The following TRIM64C variants were observed in gnomAD, a reference collection of about 807,000 sequenced individuals.
The protein encoded by TRIM64C is tripartite motif containing 64C.
In TRIM64C, 25 loss-of-function variants were observed where a neutral mutation model predicts 36.1. That is an observed-to-expected ratio of 0.69 (90% CI 0.51 to 0.97). The LOEUF (loss-of-function observed/expected upper bound fraction) is 0.97, where lower values mean the gene tolerates loss of function less well. Ranked by LOEUF, TRIM64C falls within the 50% of genes least tolerant of loss-of-function variation. The pLI is 0.00. For missense variants in TRIM64C, 489 were observed against 536.8 expected (o/e 0.91, Z 0.88); for synonymous variants, 212 against 185.7 (o/e 1.14, Z -1.15).
At chr11:49,057,532 T>C (rs1270384343) in intron 2 of TRIM64C, among the ~76,000 whole-genome samples, 154 bp from the exon 3 acceptor site, 2 of 151,560 alleles carry the variant, frequency 1.3e-5, no homozygotes, top group Non-Finnish European at 2.9e-5. Flanking sequence ...CTGTCCATCT[T>C]TTTCAATGTT....
intron 1 of TRIM64C, 37 bp downstream of exon 1, chr11:49,058,664 A>G (rs919976436): frequency 5.2e-6 from 8 of 1,538,046 alleles, no homozygotes; most frequent in African/African-American, 2.8e-5. Context: ...TTCTTATTTG[A>G]TATTCTGTAT....
At chr11:49,054,980 T>C (rs1854795708) in intron 5 of TRIM64C, among the ~76,000 whole-genome samples, 2 of 152,212 alleles carry the variant, frequency 1.3e-5, no homozygotes, top group Non-Finnish European at 2.9e-5. Context: ...AATCTAAGCC[T>C]TTAAGATTGA....
At chr11:49,054,340 A>G (rs1478913923) in intron 5 of TRIM64C, 133 bp from the exon 6 acceptor site, 5 of 952,814 alleles carry the variant, frequency 5.2e-6, no homozygotes, top group Non-Finnish European at 7.7e-6. Context: ...AGCCCCATGC[A>G]TCCATGAAGA....
chr11:49,054,189 G>A lies in TRIM64C; in HGVS notation c.878C>T (p.Thr293Ile). 1 of 1,551,434 alleles carries A rather than the reference G, an allele frequency of 6.4e-7. No individual in the cohort carries two copies. Among genetic ancestry groups the A allele is most frequent in the Non-Finnish European group, 8.7e-7 (1 of 1,146,806 alleles). Reference protein sequence around the residue: ...NNFRVDNALSTEMTPCYISLS... With the variant: ...NNFRVDNALSIEMTPCYISLS... ...GCTTATATAGCAAGGAGTCATTTCT[G>A]TACTCAGAGCATTATCCACTGACAA... The change falls in exon 6 of 6, where the codon ACA becomes ATA. Residue 293 changes from threonine to isoleucine, a missense_variant. Thr to Ile is a moderately conservative substitution (Grantham distance 89, BLOSUM62 -1). Transcript: ENST00000617704.
chr11:49,057,685 A>C, intron 2 of TRIM64C: 2 of 468,512 alleles, frequency 4.3e-6, no homozygotes, highest in Non-Finnish European at 3.9e-6. Flanking sequence ...TAATTTGCCT[A>C]AATGTTAAAA....
intron 2 of TRIM64C, 41 bp from the exon 3 acceptor site, chr11:49,057,419 C>T: frequency 1.9e-6 from 3 of 1,539,154 alleles, no homozygotes; most frequent in Non-Finnish European, 1.8e-6. Flanking sequence ...TGTTCTCACT[C>T]TCAATAGAAA....
intron 4 of TRIM64C, 85 bp from the exon 5 acceptor site, chr11:49,055,492 G>C: frequency 6.7e-7 from 1 of 1,497,032 alleles, no homozygotes; most frequent in Non-Finnish European, 9.0e-7. Flanking sequence ...TTTCATATAA[G>C]ATGTTTCCTC....
chr11:49,054,858 T>G (rs984706875), intron 5 of TRIM64C, among the ~76,000 whole-genome samples: 9 of 152,236 alleles, frequency 5.9e-5, no homozygotes, highest in African/African-American at 2.2e-4. Flanking sequence ...TATGGATATT[T>G]TAGTCATTTT....
rs1378994989 is a variant in TRIM64C at position 49,058,745 on chromosome 11, T to C, written c.368A>G (p.His123Arg). The C allele has an allele frequency of 6.5e-7, 1 of 1,547,990 alleles. No individual in the cohort carries two copies. Among genetic ancestry groups the C allele is most frequent in the Admixed American group, 2.0e-5 (1 of 50,978 alleles). Residue 123 changes from histidine (H) to arginine (R), a missense_variant, in exon 1 of 6, where the codon CAC becomes CGC. Transcript: ENST00000617704. The stretch of plus-strand genomic sequence containing the variant: ...AGCCCATCCTATTGGGCTGTGGCTG[T>C]GAGCCATGTGCTCTGGTGACTCAGA... ...PCSESPEHMA[H>R]SHSPIGWAAE...
At chr11:49,057,441 T>G in intron 2 of TRIM64C, 63 bp from the exon 3 acceptor site, 1 of 1,499,586 alleles carries the variant, frequency 6.7e-7, no homozygotes, top group Non-Finnish European at 9.1e-7. Flanking sequence ...CTTCAAATAA[T>G]TATATGCTGG....
At chr11:49,056,214 A>C (rs1854812059) in intron 4 of TRIM64C, 145 bp downstream of exon 4, 1 of 651,382 alleles carries the variant, frequency 1.5e-6, no homozygotes, top group Admixed American at 3.1e-5. Flanking sequence ...TTCCAAACCA[A>C]AGAGAAGAAG....
At position 49,054,190 on chromosome 11, in the gene TRIM64C, T is replaced by C; in HGVS notation, c.877A>G (p.Thr293Ala). The C allele has an allele frequency of 6.4e-7, 1 of 1,551,482 alleles. No homozygotes were observed. Among genetic ancestry groups the C allele is most frequent in the East Asian group, 2.4e-5 (1 of 40,912 alleles). The change falls in exon 6 of 6, where the codon ACA becomes GCA. Residue 293 changes from threonine to alanine, a missense_variant. Coordinates refer to ENST00000617704, the MANE Select transcript of TRIM64C (RefSeq NM_001206631.1). ...CTTATATAGCAAGGAGTCATTTCTG[T>C]ACTCAGAGCATTATCCACTGACAAG... ...NNFRVDNALS[T>A]EMTPCYISLS...
At chr11:49,058,254 A>G in intron 1 of TRIM64C, 82 bp from the exon 2 acceptor site, 7 of 971,560 alleles carry the variant, frequency 7.2e-6, no homozygotes, top group Non-Finnish European at 1.0e-5. Context: ...GCCGTAATTG[A>G]AAGAAACATA....
intron 4 of TRIM64C, 53 bp from the exon 5 acceptor site, chr11:49,055,460 C>T (rs2773242): frequency 0.59 from 901,847 of 1,528,320 alleles, 273,413 homozygotes; most frequent in Non-Finnish European, 0.63. Context: ...GCTAATCACA[C>T]AGTCATATGA....
chr11:49,057,160 C>T lies in TRIM64C; in HGVS notation c.726G>A (p.Val242=), dbSNP rs1344176714. Residue 242 remains valine, a synonymous_variant, in exon 3 of 6, where the codon GTG becomes GTA. Transcript: ENST00000617704. ...ELWETYHMPD[V]ELLQDVGNIS... is the part of the protein sequence containing the mutation. Reference sequence around the variant, plus strand: ...CCTCCCTCCTCACCTGGAGCAGCTCCACGTCAGGCATGTGGTATGTCTCCC... The same window carrying T: ...CCTCCCTCCTCACCTGGAGCAGCTCTACGTCAGGCATGTGGTATGTCTCCC... 1.9e-6 allele frequency: 3 copies of T among 1,549,338 alleles called. No homozygotes were observed. Among genetic ancestry groups the T allele is most frequent in the Admixed American group, 2.0e-5 (1 of 50,986 alleles).
Position 49,054,080 on chromosome 11 carries a change from A to G in TRIM64C, c.987T>C (p.Ala329=). 1.3e-6 allele frequency: 2 copies of G among 1,551,592 alleles called. No individual in the cohort carries two copies. The highest frequency in any genetic ancestry group is 1.4e-5 in the African/African-American group (1 of 73,166). The change falls in exon 6 of 6, where the codon GCT becomes GCC. Residue 329 remains alanine, a synonymous_variant. Transcript: ENST00000617704. ...PMDPQGVESF[A]VWCAQAFTSG... is the part of the protein sequence containing the mutation. ...AGGTGAATGCTTGCGCACACCACAC[A>G]GCAAAGCTCTCCACTCCTTGGGGAT...
At chr11:49,058,602 C>T (rs1392245796) in intron 1 of TRIM64C, 99 bp downstream of exon 1, 1 of 1,509,526 alleles carries the variant, frequency 6.6e-7, no homozygotes, top group Non-Finnish European at 8.8e-7. Flanking sequence ...GGAATAATCG[C>T]CACCTCCACT....
chr11:49,056,254 G>T, intron 4 of TRIM64C, 105 bp downstream of exon 4: 1 of 864,780 alleles, frequency 1.2e-6, no homozygotes, highest in Non-Finnish European at 1.8e-6. Context: ...AACAAAATCA[G>T]AAATAGCCAC....
rs539438936 is a variant in TRIM64C at position 49,058,063 on chromosome 11, A to G, written c.507+15T>C. On this transcript the variant is annotated intron_variant, in intron 2 of 5. Coordinates refer to ENST00000617704, the MANE Select transcript of TRIM64C (RefSeq NM_001206631.1). ...TTATTTGCATAAAAACAAAGGAAAC[A>G]TTTTCATTCTTAACCACTAATGAAC... is the stretch of plus-strand genomic sequence containing the variant. 37 of 1,484,008 alleles carry G rather than the reference A, an allele frequency of 2.5e-5. No individual in the cohort carries two copies. In the African/African-American group the frequency reaches 5.1e-4, roughly 21 times the overall value. The allele number at this position is 1,484,008 out of a possible 1,614,324, so 91.9% of individuals were successfully genotyped here.
Sources: allele counts gnomAD v4.1 joint callset (sites outside exome capture counted in the v4.1 genomes callset), GRCh38; gene constraint gnomAD v4.1.1; transcripts MANE v1.5; gene names NCBI Gene and HGNC (gene_info 2026-07-23, HGNC 2026-07-21).